The following NMUR1 variants were observed in gnomAD, a reference collection of about 807,000 sequenced individuals.
NMUR1 encodes the protein neuromedin U receptor 1.
NMUR1 carries 16 observed loss-of-function variants against 18.8 expected under a neutral mutation model. The ratio of observed to expected loss-of-function variants is 0.85; its 90% CI spans 0.58 to 1.29. The LOEUF is 1.29. Among genes scored for constraint, NMUR1 ranks in the 50% most tolerant of loss-of-function variants. The probability of loss-of-function intolerance (pLI) is 0.00; values close to 1 mark genes in which losing one functional copy is unlikely to be tolerated. For synonymous variants in NMUR1, 258 were observed against 258.2 expected, an observed-to-expected ratio of 1.00 and a Z score of 0.01; for missense variants, 529 against 580.3, an observed-to-expected ratio of 0.91 and a Z score of 0.91.
In NMUR1 at chr2:231,528,461, C is replaced by T; in HGVS notation, c.560G>A (p.Gly187Asp). Residue 187 changes from glycine to aspartate, a missense_variant, in exon 2 of 3, where the codon GGT (glycine) becomes GAT (aspartate). By Grantham distance (94) the Gly-to-Asp change is moderately conservative. Transcript: ENST00000305141. ...GGGCAGGGAGCAGAGCATGGCAAGA[C>T]CCCAGACGGCCCCAAGCACTCGGCG... is the stretch of plus-strand genomic sequence containing the variant. ...HVRRVLGAVWGLAMLCSLPNT... is the reference protein window; with the variant it reads ...HVRRVLGAVWDLAMLCSLPNT... The T allele has an allele frequency of 6.2e-7, 1 of 1,613,598 alleles. No homozygotes were observed. Among genetic ancestry groups the T allele is most frequent in the Non-Finnish European group, 8.5e-7 (1 of 1,180,026 alleles).
At chr2:231,519,917 C>A (rs755241273), downstream of NMUR1, among the ~76,000 whole-genome samples, 13 of 152,068 alleles carry the variant, frequency 8.5e-5, no homozygotes, top group Non-Finnish European at 1.6e-4. Context: ...CATAGTGAGA[C>A]CCTGTCTCTA....
intron 1 of NMUR1, among the ~76,000 whole-genome samples, chr2:231,529,754 C>T (rs2047397032): frequency 6.6e-6 from 1 of 152,178 alleles, no homozygotes; most frequent in South Asian, 2.1e-4. Flanking sequence ...GCGAGGTAAC[C>T]TCTCTGAGGC....
Position 231,525,005 on chromosome 2 carries a change from C to G in NMUR1, c.*38G>C. 1 of 1,518,048 alleles carries G rather than the reference C, an allele frequency of 6.6e-7. No individual in the cohort carries two copies. Among genetic ancestry groups the G allele is most frequent in the South Asian group, 1.3e-5 (1 of 76,866 alleles). The allele number at this position is 1,518,048 out of a possible 1,614,324, so 94.0% of individuals were successfully genotyped here. A position where few individuals can be genotyped will look rare whatever the true frequency, so the allele number is the denominator to read the frequency against. On this transcript the variant is annotated 3_prime_UTR_variant, in exon 3 of 3. Coordinates refer to ENST00000305141, the MANE Select transcript of NMUR1 (RefSeq NM_006056.5). ...TGTGTCTCCCCAGCTCCAGGTGACC[C>G]TCTGGCCCCTCCAGGTGAAGCCACT...
chr2:231,530,251 G>A (rs1365986050), intron 1 of NMUR1, 108 bp downstream of exon 1: 6 of 1,311,322 alleles, frequency 4.6e-6, no homozygotes, highest in Non-Finnish European at 6.2e-6. Context: ...GGGACGGGGG[G>A]CACCCCGACG....
In NMUR1 at chr2:231,528,344, G is replaced by A. The variant is rs762702531; in HGVS notation, c.677C>T (p.Ala226Val). The change falls in exon 2 of 3, where the codon GCC becomes GTC. Residue 226 changes from alanine (A) to valine (V), a missense_variant. By Grantham distance (64) the Ala-to-Val change is moderately conservative. Coordinates refer to ENST00000305141, the MANE Select transcript of NMUR1 (RefSeq NM_006056.5). ...SAVCMLVRPR[A>V]LYNMVVQTTA... is the part of the protein sequence containing the mutation. ...GGTCTGCACTACCATGTTGTAGAGG[G>A]CCCGTGGGCGGACCAGCATGCAAAC... 1.9e-6 allele frequency: 3 copies of A among 1,613,512 alleles called. No individual in the cohort carries two copies. The highest frequency in any genetic ancestry group is 2.5e-6 in the Non-Finnish European group (3 of 1,179,684).
intron 2 of NMUR1, among the ~76,000 whole-genome samples, chr2:231,526,733 C>T (rs1197182982): frequency 6.6e-6 from 1 of 152,202 alleles, no homozygotes; most frequent in Non-Finnish European, 1.5e-5. Context: ...GTCTCAGTGG[C>T]CCTCTGCTGA....
Position 231,528,467 on chromosome 2 carries a change from A to T in NMUR1, c.554T>A (p.Val185Asp). Residue 185 changes from valine (V) to aspartate (D), a missense_variant, in exon 2 of 3, where the codon GTC becomes GAC. Val to Asp is a radical substitution (Grantham distance 152, BLOSUM62 -3). Transcript: ENST00000305141. ...RAHVRRVLGA[V>D]WGLAMLCSLP... Reference sequence around the variant, plus strand: ...GGAGCAGAGCATGGCAAGACCCCAGACGGCCCCAAGCACTCGGCGCACATG... The same window carrying T: ...GGAGCAGAGCATGGCAAGACCCCAGTCGGCCCCAAGCACTCGGCGCACATG... 1 of 1,613,594 alleles carries T rather than the reference A, an allele frequency of 6.2e-7. No individual in the cohort carries two copies. The highest frequency in any genetic ancestry group is 8.5e-7 in the Non-Finnish European group (1 of 1,180,020).
At chr2:231,527,576 G>A (rs767602014) in intron 2 of NMUR1, among the ~76,000 whole-genome samples, 1 of 149,424 alleles carries the variant, frequency 6.7e-6, no homozygotes. Flanking sequence ...AGCCTGGGAG[G>A]TTGAGGCTGC....
intron 1 of NMUR1, 86 bp downstream of exon 1, chr2:231,530,273 C>T (rs1159302697): frequency 1.4e-6 from 2 of 1,455,062 alleles, no homozygotes; most frequent in Non-Finnish European, 1.8e-6. Flanking sequence ...AGCCCTCGGA[C>T]CCTTCCCGCC....
In NMUR1 at chr2:231,525,176, C is replaced by T; in HGVS notation, c.1148G>A (p.Arg383His). 5.0e-6 allele frequency: 8 copies of T among 1,614,092 alleles called. No individual in the cohort carries two copies. The highest frequency in any genetic ancestry group is 5.1e-6 in the Non-Finnish European group (6 of 1,180,018). The change falls in exon 3 of 3, where the codon CGC becomes CAC. Residue 383 changes from arginine to histidine, a missense_variant. Physicochemically the swap from Arg to His is conservative, Grantham distance 29. Coordinates refer to ENST00000305141, the MANE Select transcript of NMUR1 (RefSeq NM_006056.5). ...CCTGCTGAGGCTGTGGGAGCTGTGGCGGGGTCTGAGGCGATGGCAGCAGGC... is the reference window on the plus strand; with the variant it reads ...CCTGCTGAGGCTGTGGGAGCTGTGGTGGGGTCTGAGGCGATGGCAGCAGGC... ...LGACCHRLRP[R>H]HSSHSLSRMT...
downstream of NMUR1, among the ~76,000 whole-genome samples, chr2:231,519,216 T>C (rs924475741): frequency 2.0e-5 from 3 of 152,214 alleles, no homozygotes; most frequent in South Asian, 2.1e-4. Flanking sequence ...GGATGTTCCA[T>C]AGGATGTGGC....
chr2:231,519,043 T>C (rs1183307090), downstream of NMUR1, among the ~76,000 whole-genome samples: 2 of 152,200 alleles, frequency 1.3e-5, no homozygotes, highest in Non-Finnish European at 2.9e-5. Flanking sequence ...AAAGCACTTA[T>C]ATGCCAGTAT....
Position 231,523,276 on chromosome 2 carries a change from A to G in NMUR1, c.*1767T>C, listed in dbSNP as rs1029209167. The G allele has an allele frequency of 8.3e-6, 3 of 359,440 alleles. No individual in the cohort carries two copies. In the East Asian group the frequency reaches 1.1e-4, roughly 13 times the overall value. The allele number at this position is 359,440 out of a possible 1,614,324, so 22.3% of individuals were successfully genotyped here. A position where few individuals can be genotyped will look rare whatever the true frequency, so the allele number is the denominator to read the frequency against. Reference sequence around the variant, plus strand: ...AAAATTGTGGTAAAATACACATAACATAAAATGTACCATCTTAACCATTTC... The same window carrying G: ...AAAATTGTGGTAAAATACACATAACGTAAAATGTACCATCTTAACCATTTC... On this transcript the variant is annotated 3_prime_UTR_variant, in exon 3 of 3. Coordinates refer to ENST00000305141, the MANE Select transcript of NMUR1 (RefSeq NM_006056.5).
At chr2:231,519,739 T>C (rs2047291147), downstream of NMUR1, among the ~76,000 whole-genome samples, 1 of 152,220 alleles carries the variant, frequency 6.6e-6, no homozygotes, top group Non-Finnish European at 1.5e-5. Context: ...TAACTCACAG[T>C]GTGTTAGAAG....
Position 231,528,432 on chromosome 2 carries a change from T to G in NMUR1, c.589A>C (p.Thr197Pro), listed in dbSNP as rs559489391. Residue 197 changes from threonine (T) to proline (P), a missense_variant, in exon 2 of 3, where the codon ACC (threonine) becomes CCC (proline). Transcript: ENST00000305141. ...AGCTGCCGGATGCCGTGCAGGCTGG[T>G]GTTGGGCAGGGAGCAGAGCATGGCA... ...GLAMLCSLPN[T>P]SLHGIRQLHV... is the part of the protein sequence containing the mutation. 9.4e-5 allele frequency: 151 copies of G among 1,613,422 alleles called. No homozygotes were observed. The African/African-American group carries it at 1.7e-3, about 18-fold the overall frequency.
chr2:231,528,185 G>T lies in NMUR1; in HGVS notation c.836C>A (p.Ser279Tyr), dbSNP rs770251123. 1 of 1,602,368 alleles carries T rather than the reference G, an allele frequency of 6.2e-7. No homozygotes were observed. The highest frequency in any genetic ancestry group is 1.1e-5 in the South Asian group (1 of 89,164). The change falls in exon 2 of 3, where the codon TCC becomes TAC. Residue 279 changes from serine to tyrosine, a missense_variant. Coordinates refer to ENST00000305141, the MANE Select transcript of NMUR1 (RefSeq NM_006056.5). The part of the protein sequence containing the change: ...AKGRGSAAAR[S>Y]RYTCRLQQHD... Reference sequence around the variant, plus strand: ...CTGCTGGAGCCTGCAGGTGTATCTGGACCTGGCTGCTGCAGAGCCCCTGCC... The same window carrying T: ...CTGCTGGAGCCTGCAGGTGTATCTGTACCTGGCTGCTGCAGAGCCCCTGCC...
In NMUR1 at chr2:231,523,265, A is replaced by G. The variant is rs2047321804; in HGVS notation, c.*1778T>C. On this transcript the variant is annotated 3_prime_UTR_variant, in exon 3 of 3. Coordinates refer to ENST00000305141, the MANE Select transcript of NMUR1 (RefSeq NM_006056.5). ...CTCTTTTTATAAAAATTGTGGTAAA[A>G]TACACATAACATAAAATGTACCATC... The G allele has an allele frequency of 2.8e-6, 1 of 360,012 alleles. No homozygotes were observed. The highest frequency in any genetic ancestry group is 5.0e-6 in the Non-Finnish European group (1 of 198,650). 22.3% of individuals were successfully genotyped at this position (360,012 alleles called of 1,614,324 possible).
chr2:231,530,281 G>A (rs927725218), intron 1 of NMUR1, 78 bp downstream of exon 1: 1 of 1,477,098 alleles, frequency 6.8e-7, no homozygotes, highest in Non-Finnish European at 9.0e-7. Flanking sequence ...GACCCTTCCC[G>A]CCCTAGGACG....
chr2:231,529,451 C>G lies in NMUR1; in HGVS notation c.4-434G>C, dbSNP rs143262306. Among the ~76,000 whole-genome samples, 100 of 151,890 alleles carry G rather than the reference C, an allele frequency of 6.6e-4. No homozygotes were observed. The East Asian group carries it at 0.014, about 21-fold the overall frequency. On this transcript the variant is annotated intron_variant, in intron 1 of 2. Transcript: ENST00000305141. ...CTCCAGCCTGGGCAACAGAGAAAGA[C>G]CTTGTCTCAAAAAAACAAAAAGCAA...
Sources: gnomAD v4.1 joint callset for allele counts (sites outside exome capture counted in the v4.1 genomes callset) on GRCh38, gnomAD v4.1.1 for gene constraint, MANE v1.5 for transcripts, NCBI Gene and HGNC (gene_info 2026-07-23, HGNC 2026-07-21) for gene names.